The following TMEM163 variants were observed in gnomAD, a reference collection of about 807,000 sequenced individuals.
TMEM163 encodes the protein transmembrane protein 163.
Under a neutral mutation model 29.3 loss-of-function variants are expected in TMEM163, and 17 were observed. The ratio of observed to expected loss-of-function variants is 0.58; its 90% CI spans 0.40 to 0.87. The LOEUF (loss-of-function observed/expected upper bound fraction) is 0.87. TMEM163 is among the 40% of genes least tolerant of loss of function. The pLI is 0.00. For missense variants in TMEM163, 303 were observed against 381.5 expected (o/e 0.79, Z 1.71); for synonymous variants, 157 against 160.6 (o/e 0.98, Z 0.17).
chr2:134,591,154 T>C (rs1681926342), intron 2 of TMEM163, among the ~76,000 whole-genome samples: 1 of 152,230 alleles, frequency 6.6e-6, no homozygotes, highest in Non-Finnish European at 1.5e-5. Context: ...GCCTTTGCAT[T>C]CAACTGTAAA....
intron 2 of TMEM163, among the ~76,000 whole-genome samples, chr2:134,602,264 GCAATTAGGCT>G (rs1399453303): frequency 2.0e-5 from 3 of 152,148 alleles, no homozygotes; most frequent in African/African-American, 7.2e-5. Flanking sequence ...GCTTTCCTGT[GCAATTAGGCT>G]GCAATCAGGT....
intron 5 of TMEM163, among the ~76,000 whole-genome samples, chr2:134,483,594 C>G (rs1016977815): frequency 6.6e-6 from 1 of 152,120 alleles, no homozygotes; most frequent in African/African-American, 2.4e-5. Flanking sequence ...ATAACTGTCA[C>G]AAGACCCCTG....
intron 4 of TMEM163, among the ~76,000 whole-genome samples, chr2:134,516,539 C>A (rs1680059722): frequency 1.3e-5 from 2 of 150,798 alleles, no homozygotes; most frequent in South Asian, 4.2e-4. Context: ...CCAGCCTGGG[C>A]AACAGAACAA....
At chr2:134,608,786 G>A (rs1682421962) in intron 2 of TMEM163, among the ~76,000 whole-genome samples, 1 of 38,918 alleles carries the variant, frequency 2.6e-5, no homozygotes, top group Non-Finnish European at 5.5e-5. Flanking sequence ...GACAGACCCC[G>A]AGAACTGTGC....
At chr2:134,495,682 C>T (rs145848216) in intron 5 of TMEM163, among the ~76,000 whole-genome samples, 2 of 152,250 alleles carry the variant, frequency 1.3e-5, no homozygotes, top group East Asian at 3.9e-4. Context: ...CAGACCAGAC[C>T]AAACAAGAAT....
chr2:134,705,416 G>A (rs1245928678), intron 2 of TMEM163, among the ~76,000 whole-genome samples: 1 of 152,076 alleles, frequency 6.6e-6, no homozygotes, highest in African/African-American at 2.4e-5. Flanking sequence ...AAGACACAGG[G>A]AGAAGACGGC....
chr2:134,508,704 ACTTCC>A (rs1679881376), intron 4 of TMEM163, among the ~76,000 whole-genome samples: 1 of 135,508 alleles, frequency 7.4e-6, no homozygotes, highest in South Asian at 2.6e-4. Context: ...GAACTCCCCC[ACTTCC>A]CTTCATGTTT....
At chr2:134,690,036 C>T (rs1168117092) in intron 2 of TMEM163, among the ~76,000 whole-genome samples, 2 of 151,940 alleles carry the variant, frequency 1.3e-5, no homozygotes, top group Non-Finnish European at 2.9e-5. Flanking sequence ...GTTCAAGCAA[C>T]TCTCGTGCCT....
chr2:134,595,626 T>C (rs1211543566), intron 2 of TMEM163, among the ~76,000 whole-genome samples: 1 of 152,238 alleles, frequency 6.6e-6, no homozygotes, highest in African/African-American at 2.4e-5. Flanking sequence ...TTTAGGTATA[T>C]ACCCAGTAAT....
At chr2:134,662,345 T>A (rs1328759717) in intron 2 of TMEM163, among the ~76,000 whole-genome samples, 3 of 152,130 alleles carry the variant, frequency 2.0e-5, no homozygotes, top group Non-Finnish European at 4.4e-5. Flanking sequence ...TAAAAAGTGA[T>A]CTCTTCAAAC....
chr2:134,706,271 C>T (rs1048840373), intron 2 of TMEM163, among the ~76,000 whole-genome samples: 1 of 152,142 alleles, frequency 6.6e-6, no homozygotes, highest in Admixed American at 6.5e-5. Context: ...AAGTTGAAGA[C>T]GCCCTCCTTG....
chr2:134,492,673 G>A (rs72853933), intron 5 of TMEM163, among the ~76,000 whole-genome samples: 20,273 of 152,018 alleles, frequency 0.13, 1,675 homozygotes, highest in Middle Eastern at 0.29. Context: ...CCACATCACC[G>A]CATGCGTCAG....
chr2:134,501,390 G>C (rs1407849381), intron 5 of TMEM163, among the ~76,000 whole-genome samples: 2 of 152,150 alleles, frequency 1.3e-5, no homozygotes, highest in African/African-American at 4.8e-5. Flanking sequence ...GAATAACAAG[G>C]AGAGCCATTA....
At chr2:134,479,733 C>T (rs1687004406) in intron 5 of TMEM163, among the ~76,000 whole-genome samples, 1 of 152,184 alleles carries the variant, frequency 6.6e-6, no homozygotes, top group Admixed American at 6.5e-5. Flanking sequence ...AGGTAACTCC[C>T]CCAGAGACAG....
At chr2:134,594,066 C>G (rs1159901748) in intron 2 of TMEM163, among the ~76,000 whole-genome samples, 2 of 152,066 alleles carry the variant, frequency 1.3e-5, no homozygotes, top group Non-Finnish European at 2.9e-5. Context: ...AAAGGCAGTT[C>G]TAGGCACAAT....
intron 4 of TMEM163, among the ~76,000 whole-genome samples, chr2:134,504,812 C>T (rs1409348883): frequency 2.0e-5 from 3 of 152,126 alleles, no homozygotes; most frequent in East Asian, 1.9e-4. Context: ...GAACCACAGT[C>T]CTAACGCTGG....
intron 4 of TMEM163, 37 bp from the exon 5 acceptor site, chr2:134,503,034 G>A (rs768218795): frequency 1.9e-6 from 3 of 1,555,122 alleles, no homozygotes; most frequent in South Asian, 1.2e-5. Flanking sequence ...TTAACTGGGA[G>A]AACTCACACT....
At chr2:134,718,062 T>C (rs771019512) in intron 1 of TMEM163, among the ~76,000 whole-genome samples, 23 of 152,350 alleles carry the variant, frequency 1.5e-4, no homozygotes, top group Non-Finnish European at 2.4e-4. Flanking sequence ...CAGGTTTCAG[T>C]GGCATCCATC....
intron 4 of TMEM163, among the ~76,000 whole-genome samples, chr2:134,543,430 T>A (rs1680719060): frequency 6.6e-6 from 1 of 152,212 alleles, no homozygotes; most frequent in African/African-American, 2.4e-5. Context: ...TTTGTCAAGT[T>A]AAGAGCACTA....
Sources: gnomAD v4.1 joint callset for allele counts (sites outside exome capture counted in the v4.1 genomes callset) on GRCh38, gnomAD v4.1.1 for gene constraint, MANE v1.5 for transcripts, NCBI Gene and HGNC (gene_info 2026-07-23, HGNC 2026-07-21) for gene names.